The following TRMT10A variants were observed in gnomAD, a reference collection of about 807,000 sequenced individuals.
TRMT10A encodes tRNA methyltransferase 10 homolog A.
In TRMT10A, 37 loss-of-function variants were observed where a neutral mutation model predicts 40.4. The observed-to-expected ratio is 0.92, with a 90% CI of 0.71 to 1.21. The LOEUF is 1.21. TRMT10A is among the 50% of genes most tolerant of loss of function. TRMT10A has a pLI of 0.00. For synonymous variants in TRMT10A, 103 were observed against 134.1 expected (o/e 0.77, Z 1.60); for missense variants, 388 against 404.3 (o/e 0.96, Z 0.35).
intron 1 of TRMT10A, among the ~76,000 whole-genome samples, chr4:99,562,515 CTTTTTTTTTTTTTTT>C (rs67816425): frequency 5.2e-5 from 4 of 76,664 alleles, no homozygotes; most frequent in Middle Eastern, 0.018. Flanking sequence ...AAAGGAATGC[CTTTTTTTTTTTTTTT>C]TTTTTTTTTT....
At chr4:99,557,804 A>G (rs1425676224) in intron 3 of TRMT10A, 3 of 456,302 alleles carry the variant, frequency 6.6e-6, no homozygotes, top group African/African-American at 2.0e-5. Flanking sequence ...TCTAGACTAC[A>G]AAGTGTGTGT....
chr4:99,559,028 T>G, intron 2 of TRMT10A, 126 bp downstream of exon 2: 2 of 1,075,672 alleles, frequency 1.9e-6, no homozygotes, highest in Non-Finnish European at 2.6e-6. Context: ...TCTTTACGCT[T>G]TTGTCTAAAA....
chr4:99,562,515 C>CTT (rs67816425), intron 1 of TRMT10A, among the ~76,000 whole-genome samples: 1,901 of 76,598 alleles, frequency 0.025, 397 homozygotes, highest in African/African-American at 0.081. Context: ...AAAGGAATGC[C>CTT]TTTTTTTTTT....
At position 99,549,224 on chromosome 4, in the gene TRMT10A, A is replaced by G. The variant is rs1390041954; in HGVS notation, c.884T>C (p.Val295Ala). 1.9e-6 allele frequency: 3 copies of G among 1,613,970 alleles called. No homozygotes were observed. The highest frequency in any genetic ancestry group is 1.3e-5 in the African/African-American group (1 of 74,884). Residue 295 changes from valine to alanine, a missense_variant, in exon 8 of 8, where the codon GTC (valine) becomes GCC (alanine). Coordinates refer to ENST00000394876, the MANE Select transcript of TRMT10A (RefSeq NM_001134665.3). ...GTCCGATCCACCTTCCTCCATCCTG[A>G]CAGACTGATTGTCATGAGAAGCACT... ...CESASHDNQS[V>A]RMEEGGSDSD...
At chr4:99,556,305 C>T (rs11935423) in intron 4 of TRMT10A, 85 bp from the exon 5 acceptor site, 219,740 of 1,203,514 alleles carry the variant, frequency 0.18, 21,129 homozygotes, top group South Asian at 0.3. Flanking sequence ...ACTTATCTGA[C>T]GATCAATGAA....
At chr4:99,563,310 T>A (rs1724529138) in intron 1 of TRMT10A, 1 of 152,634 alleles carries the variant, frequency 6.6e-6, no homozygotes, top group African/African-American at 2.4e-5. Flanking sequence ...ATTTAAAGTA[T>A]TTCAGTGAAA....
chr4:99,563,831 AG>A (rs986371426), intron 1 of TRMT10A, 81 bp downstream of exon 1: 1 of 644,060 alleles, frequency 1.6e-6, no homozygotes, highest in African/African-American at 1.8e-5. Context: ...TGTTGCTAGT[AG>A]GGGGCTGCAT....
intron 5 of TRMT10A, among the ~76,000 whole-genome samples, chr4:99,555,617 T>C (rs1724134157): frequency 6.6e-6 from 1 of 152,190 alleles, no homozygotes; most frequent in African/African-American, 2.4e-5. Flanking sequence ...ATAATAAATA[T>C]TTTAAAAATT....
intron 6 of TRMT10A, 78 bp downstream of exon 6, chr4:99,553,707 T>TA: frequency 2.2e-5 from 31 of 1,380,440 alleles, no homozygotes; most frequent in Non-Finnish European, 3.0e-5. Context: ...CTATCATTAG[T>TA]ATTATTGTTA....
At position 99,548,892 on chromosome 4, in the gene TRMT10A, CTTACGCAAAATCAAAA is replaced by C. The variant is rs1723843446; in HGVS notation, c.*180_*195del. 3 of 515,090 alleles carry C rather than the reference CTTACGCAAAATCAAAA, an allele frequency of 5.8e-6. No homozygotes were observed. Among genetic ancestry groups the C allele is most frequent in the Non-Finnish European group, 6.4e-6 (2 of 314,620 alleles). The allele number at this position is 515,090 out of a possible 1,614,324, so 31.9% of individuals were successfully genotyped here. On this transcript the variant is annotated 3_prime_UTR_variant, in exon 8 of 8. Transcript: ENST00000394876. ...AAAATCACATACACATTTAAATCTT[CTTACGCAAAATCAAAA>C]AATATTTCCTTACAAAGTTTAAAGG...
chr4:99,548,232 A>G lies in TRMT10A; in HGVS notation c.*856T>C, dbSNP rs1723811918. ...ATTAGTATGCATATTCTTAGAGAAG[A>G]GGAGGCAGATGCACCTATAAACTTT... is the stretch of plus-strand genomic sequence containing the variant. On this transcript the variant is annotated 3_prime_UTR_variant, in exon 8 of 8. Transcript: ENST00000394876. The G allele has an allele frequency of 6.6e-6, 1 of 152,024 alleles. No individual in the cohort carries two copies. The highest frequency in any genetic ancestry group is 2.1e-4 in the South Asian group (1 of 4,800). 9.4% of individuals were successfully genotyped at this position (152,024 alleles called of 1,614,324 possible).
intron 6 of TRMT10A, among the ~76,000 whole-genome samples, chr4:99,551,690 A>G (rs1351286741): frequency 6.6e-6 from 1 of 152,158 alleles, no homozygotes; most frequent in East Asian, 1.9e-4. Context: ...ATAATTACAT[A>G]TAAAACAGCC....
chr4:99,548,943 T>TTTA lies in TRMT10A; in HGVS notation c.*142_*144dup, dbSNP rs1723847373. The TTTA allele has an allele frequency of 4.1e-6, 3 of 738,848 alleles. No individual in the cohort carries two copies. The highest frequency in any genetic ancestry group is 7.2e-5 in the Admixed American group (2 of 27,932). The allele number at this position is 738,848 out of a possible 1,614,324, so 45.8% of individuals were successfully genotyped here. On this transcript the variant is annotated 3_prime_UTR_variant, in exon 8 of 8. Transcript: ENST00000394876. ...TTACAAAGTTTAAAGGGCTTTTTTT[T>TTTA]TTATTATTATTTAGGTCCAAAAAAA...
In TRMT10A at chr4:99,557,361, G is replaced by A; in HGVS notation, c.404C>T (p.Ala135Val). The A allele has an allele frequency of 6.2e-7, 1 of 1,613,426 alleles. No individual in the cohort carries two copies. Among genetic ancestry groups the A allele is most frequent in the Non-Finnish European group, 8.5e-7 (1 of 1,179,552 alleles). ...IQRCYAENRR[A>V]LHPVQFYLTS... ...TACACATACCTGCACAGGATGCAGTGCCCGTCGGTTTTCTGCGTAACATCG... is the reference window on the plus strand; with the variant it reads ...TACACATACCTGCACAGGATGCAGTACCCGTCGGTTTTCTGCGTAACATCG... Residue 135 changes from alanine (A) to valine (V), a missense_variant, in exon 4 of 8, where the codon GCA becomes GTA. By Grantham distance (64) the Ala-to-Val change is moderately conservative (BLOSUM62 0). Transcript: ENST00000394876.
chr4:99,562,513 GC>G (rs1724461578), intron 1 of TRMT10A, among the ~76,000 whole-genome samples: 1 of 114,298 alleles, frequency 8.7e-6, no homozygotes, highest in Admixed American at 8.7e-5. Context: ...GCAAAGGAAT[GC>G]CTTTTTTTTT....
At chr4:99,561,350 C>T (rs1285826841) in intron 1 of TRMT10A, among the ~76,000 whole-genome samples, 1 of 152,032 alleles carries the variant, frequency 6.6e-6, no homozygotes, top group Non-Finnish European at 1.5e-5. Flanking sequence ...TCTAAGAAGT[C>T]TTAAGTTAAA....
chr4:99,562,946 C>T (rs542337240), intron 1 of TRMT10A, among the ~76,000 whole-genome samples: 42 of 152,134 alleles, frequency 2.8e-4, no homozygotes, highest in Non-Finnish European at 5.1e-4. Flanking sequence ...CTCAGCCCCC[C>T]CAGTAGCTGG....
At chr4:99,561,560 G>T (rs1329196995) in intron 1 of TRMT10A, among the ~76,000 whole-genome samples, 1 of 152,146 alleles carries the variant, frequency 6.6e-6, no homozygotes, top group Non-Finnish European at 1.5e-5. Context: ...CAACAAAAAT[G>T]ATGCTAACCT....
chr4:99,560,000 A>T (rs1724322855), intron 1 of TRMT10A, among the ~76,000 whole-genome samples: 1 of 152,118 alleles, frequency 6.6e-6, no homozygotes. Context: ...TTCTAAAGTT[A>T]TATAATGAAA....
Sources: gnomAD v4.1 joint callset for allele counts (sites outside exome capture counted in the v4.1 genomes callset) on GRCh38, gnomAD v4.1.1 for gene constraint, MANE v1.5 for transcripts, NCBI Gene and HGNC (gene_info 2026-07-23, HGNC 2026-07-21) for gene names.